Variants in RNF216 observed in about 807,000 individuals in gnomAD.
RNF216 encodes the protein E3 ubiquitin-protein ligase RNF216.
RNF216 carries 72 observed loss-of-function variants against 110.8 expected under a neutral mutation model. The observed-to-expected ratio is 0.65, with a 90% CI of 0.54 to 0.79. The LOEUF (loss-of-function observed/expected upper bound fraction) is 0.79. Among genes scored for constraint, RNF216 ranks in the 30% least tolerant of loss-of-function variants. RNF216 has a pLI of 0.00. For synonymous variants in RNF216, 495 were observed against 407.5 expected, an observed-to-expected ratio of 1.21 and a Z score of -2.59; for missense variants, 1,342 against 1,141.2, an observed-to-expected ratio of 1.18 and a Z score of -2.54.
intron 13 of RNF216, among the ~76,000 whole-genome samples, chr7:5,694,403 A>G (rs1345158883): frequency 6.6e-6 from 1 of 151,922 alleles, no homozygotes; most frequent in Non-Finnish European, 1.5e-5. Flanking sequence ...TATTCTGACC[A>G]CGAGCACTAT....
At chr7:5,702,784 TAG>T (rs1792051011) in intron 13 of RNF216, among the ~76,000 whole-genome samples, 1 of 152,108 alleles carries the variant, frequency 6.6e-6, no homozygotes, top group East Asian at 1.9e-4. Flanking sequence ...CAGACACAAG[TAG>T]AGTTAAAAAT....
At chr7:5,646,349 G>C (rs1788046352) in intron 14 of RNF216, among the ~76,000 whole-genome samples, 2 of 151,602 alleles carry the variant, frequency 1.3e-5, no homozygotes, top group South Asian at 4.2e-4. Context: ...ACTCCAGACG[G>C]GGTGACAAGG....
intron 13 of RNF216, among the ~76,000 whole-genome samples, chr7:5,678,857 A>G (rs1009751682): frequency 6.6e-6 from 1 of 152,218 alleles, no homozygotes; most frequent in African/African-American, 2.4e-5. Flanking sequence ...TTAAGAGGCA[A>G]AGGTCTGCAG....
chr7:5,633,496 A>G (rs1183121881), intron 15 of RNF216, among the ~76,000 whole-genome samples: 5 of 151,830 alleles, frequency 3.3e-5, no homozygotes, highest in Non-Finnish European at 7.4e-5. Flanking sequence ...AATCACTTGA[A>G]CCCAGTAGGT....
At chr7:5,751,558 A>C (rs1397348528) in intron 3 of RNF216, among the ~76,000 whole-genome samples, 1 of 152,050 alleles carries the variant, frequency 6.6e-6, no homozygotes, top group African/African-American at 2.4e-5. Context: ...AATCATAATG[A>C]ATTTCCCTCT....
chr7:5,661,502 T>A (rs185820915), intron 13 of RNF216, among the ~76,000 whole-genome samples: 1 of 152,296 alleles, frequency 6.6e-6, no homozygotes, highest in African/African-American at 2.4e-5. Flanking sequence ...ATTATTCCCA[T>A]TTTTAAAAAA....
At chr7:5,712,370 G>C (rs1242877815) in intron 12 of RNF216, among the ~76,000 whole-genome samples, 1 of 152,096 alleles carries the variant, frequency 6.6e-6, no homozygotes, top group African/African-American at 2.4e-5. Flanking sequence ...CTACTCAGGA[G>C]GCTGAGGCAT....
At chr7:5,707,704 A>C (rs2345936) in intron 13 of RNF216, among the ~76,000 whole-genome samples, 3 of 141,806 alleles carry the variant, frequency 2.1e-5, no homozygotes, top group Non-Finnish European at 4.5e-5. Context: ...AAAGCTTTTC[A>C]GTGTGTGTGT....
At chr7:5,642,211 T>C (rs941705591) in intron 14 of RNF216, among the ~76,000 whole-genome samples, 2 of 150,852 alleles carry the variant, frequency 1.3e-5, no homozygotes, top group Non-Finnish European at 2.9e-5. Flanking sequence ...CTCAAGGTTC[T>C]GTTTTGTTTT....
At chr7:5,697,921 G>C (rs150670281) in intron 13 of RNF216, among the ~76,000 whole-genome samples, 118 of 152,282 alleles carry the variant, frequency 7.7e-4, no homozygotes, top group African/African-American at 2.8e-3. Flanking sequence ...AGGGCAAAAG[G>C]ACAAGCTGTA....
chr7:5,657,010 T>C (rs994825443), intron 13 of RNF216, among the ~76,000 whole-genome samples: 2 of 152,262 alleles, frequency 1.3e-5, no homozygotes, highest in African/African-American at 4.8e-5. Context: ...TCTGTGTTTG[T>C]TTCCTTGCCT....
intron 2 of RNF216, among the ~76,000 whole-genome samples, chr7:5,755,679 T>TA (rs1203555856): frequency 6.6e-6 from 1 of 152,232 alleles, no homozygotes; most frequent in Admixed American, 6.5e-5. Flanking sequence ...GAATATAACA[T>TA]AAAATTATTC....
intron 2 of RNF216, 84 bp from the exon 3 acceptor site, chr7:5,753,063 C>G: frequency 7.0e-7 from 1 of 1,430,932 alleles, no homozygotes; most frequent in South Asian, 1.4e-5. Context: ...AGGGGTACAG[C>G]CTAAAGCCAA....
intron 7 of RNF216, among the ~76,000 whole-genome samples, chr7:5,725,921 A>G (rs1489497639): frequency 2.0e-5 from 3 of 151,878 alleles, no homozygotes; most frequent in Admixed American, 6.6e-5. Context: ...TCTGACTTTC[A>G]TAAACTGGTA....
At chr7:5,663,967 A>G (rs544698222) in intron 13 of RNF216, among the ~76,000 whole-genome samples, 2 of 152,262 alleles carry the variant, frequency 1.3e-5, no homozygotes, top group African/African-American at 4.8e-5. Flanking sequence ...ATTCTGTGCC[A>G]CATGGAGATG....
intron 14 of RNF216, among the ~76,000 whole-genome samples, 200 bp from the exon 15 acceptor site, chr7:5,641,576 C>G (rs968170803): frequency 3.3e-5 from 5 of 152,134 alleles, no homozygotes; most frequent in Non-Finnish European, 7.4e-5. Flanking sequence ...AATTACTCAC[C>G]TGCCTGGAGA....
At chr7:5,760,894 T>C in intron 2 of RNF216, 109 bp downstream of exon 2, 2 of 853,844 alleles carry the variant, frequency 2.3e-6, no homozygotes, top group Non-Finnish European at 3.7e-6. Context: ...AAAAACGAAA[T>C]GTCCCTGGAT....
rs559786161 is a variant in RNF216, at chr7:5,690,344, G to C, written c.2061+21417C>G. On this transcript the variant is annotated intron_variant, in intron 13 of 16. Transcript: ENST00000389902. ...TTCCATCTCAAAAAAAAAAAAAAAA[G>C]ATTTTAAAGATCCTTTTTACTTCCT... Among the ~76,000 whole-genome samples the C allele has an allele frequency of 4.3e-5, 6 of 140,664 alleles. No homozygotes were observed. In the South Asian group the frequency reaches 6.7e-4, roughly 16 times the overall value. The allele number at this position is 140,664 out of a possible 152,430, so 92.3% of individuals were successfully genotyped here. A position where few individuals can be genotyped will look rare whatever the true frequency, so the allele number is the denominator to read the frequency against.
At chr7:5,772,659 T>C (rs1796557526) in intron 1 of RNF216, among the ~76,000 whole-genome samples, 1 of 152,170 alleles carries the variant, frequency 6.6e-6, no homozygotes, top group Non-Finnish European at 1.5e-5. Context: ...ATCAGCATTT[T>C]CTCAACTTAT....
Sources: gnomAD v4.1 joint callset for allele counts (sites outside exome capture counted in the v4.1 genomes callset) on GRCh38, gnomAD v4.1.1 for gene constraint, MANE v1.5 for transcripts, NCBI Gene and HGNC (gene_info 2026-07-23, HGNC 2026-07-21) for gene names.